Variants in BLTP3A observed in about 807,000 individuals in gnomAD.
BLTP3A encodes the protein bridge-like lipid transfer protein family member 3A.
chr6:34,853,608 T>A, the BLTP3A span, among the ~76,000 whole-genome samples: 1 of 152,054 alleles, frequency 6.6e-6, no homozygotes, highest in Non-Finnish European at 1.5e-5. Context: ...TCACCTAGGC[T>A]GGAGTGCAAT....
the BLTP3A span, among the ~76,000 whole-genome samples, chr6:34,798,281 T>C: frequency 6.6e-6 from 1 of 152,234 alleles, no homozygotes; most frequent in African/African-American, 2.4e-5. Flanking sequence ...TCAGTTTACT[T>C]GTACATTTTA....
At chr6:34,857,156 A>G in the BLTP3A span, among the ~76,000 whole-genome samples, 1 of 152,220 alleles carries the variant, frequency 6.6e-6, no homozygotes, top group Admixed American at 6.5e-5. Flanking sequence ...TGAAAAAACT[A>G]ACTCGCGTAT....
At chr6:34,818,631 A>G in the BLTP3A span, among the ~76,000 whole-genome samples, 66,569 of 151,974 alleles carry the variant, frequency 0.44, 16,386 homozygotes, top group African/African-American at 0.67. Context: ...GTCACCTCTC[A>G]ACTTGAGAAA....
chr6:34,820,997 C>T, the BLTP3A span, among the ~76,000 whole-genome samples: 4 of 144,966 alleles, frequency 2.8e-5, no homozygotes, highest in African/African-American at 1.0e-4. Context: ...GCTCTTGTTG[C>T]CCAGGCTGGA....
the BLTP3A span, among the ~76,000 whole-genome samples, chr6:34,827,235 C>T: frequency 1.3e-5 from 2 of 151,740 alleles, no homozygotes; most frequent in Admixed American, 1.3e-4. Flanking sequence ...TGCTTGAACC[C>T]GGGAGGCAGA....
the BLTP3A span, among the ~76,000 whole-genome samples, chr6:34,817,120 C>T: frequency 1.5e-4 from 23 of 152,330 alleles, no homozygotes; most frequent in African/African-American, 5.3e-4. Context: ...GGGGCATGCA[C>T]TGTCTTCCTT....
chr6:34,864,758 G>A, the BLTP3A span, among the ~76,000 whole-genome samples: 3 of 152,078 alleles, frequency 2.0e-5, no homozygotes, highest in East Asian at 5.8e-4. Flanking sequence ...ACTTGAGGTC[G>A]AGAGTTGGAG....
the BLTP3A span, among the ~76,000 whole-genome samples, chr6:34,846,640 T>G: frequency 6.6e-6 from 1 of 152,240 alleles, no homozygotes; most frequent in African/African-American, 2.4e-5. Flanking sequence ...CTGAATTTGT[T>G]TATTGGTTCT....
chr6:34,792,121 C>A, the BLTP3A span: 1 of 642,082 alleles, frequency 1.6e-6, no homozygotes, highest in Non-Finnish European at 2.1e-6. Context: ...GGCGAGAAAG[C>A]GCCATGGCGG....
the BLTP3A span, among the ~76,000 whole-genome samples, chr6:34,813,308 T>A: frequency 6.6e-6 from 1 of 152,330 alleles, no homozygotes; most frequent in Admixed American, 6.5e-5. Context: ...TGGCCATTTG[T>A]TTCCTCATTG....
At chr6:34,855,666 C>T in the BLTP3A span, 1 of 1,613,906 alleles carries the variant, frequency 6.2e-7, no homozygotes, top group Non-Finnish European at 8.5e-7. Flanking sequence ...TTACCTTCCG[C>T]AAGATGGCGT....
the BLTP3A span, among the ~76,000 whole-genome samples, chr6:34,838,192 A>G: frequency 1.3e-5 from 2 of 152,232 alleles, no homozygotes; most frequent in South Asian, 4.1e-4. Flanking sequence ...TTGAAGTACA[A>G]TACACCAGGC....
the BLTP3A span, among the ~76,000 whole-genome samples, chr6:34,841,606 C>T: frequency 6.6e-6 from 1 of 152,146 alleles, no homozygotes; most frequent in Non-Finnish European, 1.5e-5. Context: ...CAGTGCTGCT[C>T]TAGAGACCAC....
At chr6:34,867,461 G>C in the BLTP3A span, 1 of 1,613,982 alleles carries the variant, frequency 6.2e-7, no homozygotes. Flanking sequence ...AATCTCCTTT[G>C]ATAGGTCTCA....
the BLTP3A span, among the ~76,000 whole-genome samples, chr6:34,830,745 G>T: frequency 6.6e-6 from 1 of 152,202 alleles, no homozygotes; most frequent in Non-Finnish European, 1.5e-5. Context: ...CAGTAAAATT[G>T]TTGGGTTATG....
the BLTP3A span, among the ~76,000 whole-genome samples, chr6:34,848,156 A>G: frequency 4.3e-4 from 65 of 150,460 alleles, no homozygotes; most frequent in Admixed American, 4.0e-3. Flanking sequence ...CCTGGACTCA[A>G]GGGATCTGCC....
chr6:34,869,706 A>G, the BLTP3A span, among the ~76,000 whole-genome samples: 1 of 128,618 alleles, frequency 7.8e-6, no homozygotes, highest in Non-Finnish European at 1.5e-5. Flanking sequence ...GCCGGAGTGC[A>G]GTGGTTGCAA....
the BLTP3A span, among the ~76,000 whole-genome samples, chr6:34,846,775 G>T: frequency 1.4e-4 from 22 of 152,118 alleles, no homozygotes; most frequent in African/African-American, 5.3e-4. Context: ...TTGTCTAATT[G>T]TTCTAGCTAG....
chr6:34,868,323 T>A, the BLTP3A span, among the ~76,000 whole-genome samples: 31 of 148,462 alleles, frequency 2.1e-4, no homozygotes, highest in Admixed American at 8.1e-4. Flanking sequence ...TATATATATA[T>A]AAATATATTT....
Sources: gnomAD v4.1 joint callset for allele counts (sites outside exome capture counted in the v4.1 genomes callset) on GRCh38, gnomAD v4.1.1 for gene constraint, MANE v1.5 for transcripts, NCBI Gene and HGNC (gene_info 2026-07-23, HGNC 2026-07-21) for gene names.